The following NETO1 variants were observed in gnomAD, a reference collection of about 807,000 sequenced individuals.
NETO1 encodes the protein neuropilin and tolloid-like protein 1.
Under a neutral mutation model 61.3 loss-of-function variants are expected in NETO1, and 26 were observed. The observed-to-expected ratio is 0.42, with a 90% confidence interval of 0.31 to 0.59. The LOEUF (loss-of-function observed/expected upper bound fraction) is 0.59. Among genes scored for constraint, NETO1 ranks in the 20% least tolerant of loss-of-function variants. The pLI is 0.12. For missense variants in NETO1, 531 were observed against 662.8 expected, an observed-to-expected ratio of 0.80 and a Z score of 2.18; for synonymous variants, 225 against 225.8, an observed-to-expected ratio of 1.00 and a Z score of 0.03.
rs187539066 is a variant in NETO1, at chr18:72,759,946, G to A, written c.869-3799C>T. ...TTTCCAGGGTCACAAGAGGGGACACGCAACTTTATACTTGTTTCTATCAGA... is the reference window on the plus strand; with the variant it reads ...TTTCCAGGGTCACAAGAGGGGACACACAACTTTATACTTGTTTCTATCAGA... On this transcript the variant is annotated intron_variant, in intron 7 of 10. Coordinates refer to ENST00000327305, the MANE Select transcript of NETO1 (RefSeq NM_138966.5). 8.3e-4 allele frequency among the ~76,000 whole-genome samples: 126 copies of A among 152,262 alleles called. 1 individual carries two copies. The highest frequency in any genetic ancestry group is 7.3e-3 in the Admixed American group (112 of 15,282).
At position 72,799,964 on chromosome 18, in the gene NETO1, C is replaced by A. The variant is rs185519021; in HGVS notation, c.470-5560G>T. Among the ~76,000 whole-genome samples the A allele has an allele frequency of 6.6e-5, 10 of 152,348 alleles. No individual in the cohort carries two copies. In the East Asian group the frequency reaches 1.9e-3, roughly 29 times the overall value. Reference sequence around the variant, plus strand: ...AGAACAAAAACTGTGTTCAAGTCAGCAAATAAAGTGACTGCATTCAAAGCC... The same window carrying A: ...AGAACAAAAACTGTGTTCAAGTCAGAAAATAAAGTGACTGCATTCAAAGCC... On this transcript the variant is annotated intron_variant, in intron 4 of 10. Coordinates refer to ENST00000327305, the MANE Select transcript of NETO1 (RefSeq NM_138966.5).
chr18:72,792,774 C>T (rs1369229684), intron 6 of NETO1, among the ~76,000 whole-genome samples: 2 of 152,010 alleles, frequency 1.3e-5, no homozygotes, highest in Non-Finnish European at 2.9e-5. Context: ...AAGCAATCAA[C>T]ACCACCTCTC....
Position 72,755,976 on chromosome 18 carries a change from C to G in NETO1, c.982+58G>C, listed in dbSNP as rs2070769543. The G allele has an allele frequency of 3.5e-6, 3 of 851,894 alleles. No homozygotes were observed. The South Asian group carries it at 4.3e-5, about 12-fold the overall frequency. 52.8% of individuals were successfully genotyped at this position (851,894 alleles called of 1,614,324 possible). ...AGACTGTCTGATTGATACATATAAACTTCTACCCCACTCCACAGGGAGGAA... is the reference window on the plus strand; with the variant it reads ...AGACTGTCTGATTGATACATATAAAGTTCTACCCCACTCCACAGGGAGGAA... On this transcript the variant is annotated intron_variant, in intron 8 of 10. Transcript: ENST00000327305.
At chr18:72,754,610 C>T (rs1384963207) in intron 8 of NETO1, among the ~76,000 whole-genome samples, 1 of 152,046 alleles carries the variant, frequency 6.6e-6, no homozygotes, top group African/African-American at 2.4e-5. Flanking sequence ...ATAAAAGCGT[C>T]ATGAGGAAGA....
chr18:72,768,764 C>T (rs182514036), intron 7 of NETO1, among the ~76,000 whole-genome samples: 30 of 152,180 alleles, frequency 2.0e-4, no homozygotes, highest in African/African-American at 7.0e-4. Flanking sequence ...GCTCTAGAAA[C>T]GGGAAAAGGA....
chr18:72,836,474 C>T (rs1230647822), intron 4 of NETO1, among the ~76,000 whole-genome samples: 1 of 152,018 alleles, frequency 6.6e-6, no homozygotes, highest in African/African-American at 2.4e-5. Flanking sequence ...GACTGAGGTC[C>T]ACATTGGTCT....
chr18:72,823,377 T>A (rs1159847523), intron 4 of NETO1, among the ~76,000 whole-genome samples: 2 of 152,000 alleles, frequency 1.3e-5, no homozygotes, highest in East Asian at 3.9e-4. Context: ...AACTCTTACA[T>A]GAGCGGAGCA....
intron 6 of NETO1, among the ~76,000 whole-genome samples, chr18:72,793,004 TTC>T (rs1397106708): frequency 1.3e-5 from 2 of 152,112 alleles, no homozygotes; most frequent in East Asian, 1.9e-4. Flanking sequence ...AAGGGGTCTT[TTC>T]TCTCTCTCTG....
At chr18:72,810,459 T>C (rs573269420) in intron 4 of NETO1, among the ~76,000 whole-genome samples, 1 of 152,192 alleles carries the variant, frequency 6.6e-6, no homozygotes, top group Non-Finnish European at 1.5e-5. Flanking sequence ...GCATTTGGCA[T>C]GCAAACGTAT....
intron 7 of NETO1, among the ~76,000 whole-genome samples, chr18:72,761,175 T>C (rs1344632115): frequency 6.6e-6 from 1 of 150,948 alleles, no homozygotes; most frequent in Non-Finnish European, 1.5e-5. Flanking sequence ...ATTTTCTAAT[T>C]TGTAAAGTGA....
intron 1 of NETO1, chr18:72,865,544 C>A (rs2074709098): frequency 6.2e-7 from 1 of 1,601,896 alleles, no homozygotes; most frequent in African/African-American, 1.3e-5. Flanking sequence ...TACAGTGGGA[C>A]TACAGGAGTC....
chr18:72,810,785 T>C (rs1321230244), intron 4 of NETO1, among the ~76,000 whole-genome samples: 1 of 152,130 alleles, frequency 6.6e-6, no homozygotes, highest in African/African-American at 2.4e-5. Flanking sequence ...AGAAAAATAA[T>C]CCGAGGCTTT....
chr18:72,850,942 C>G (rs1390394395), intron 4 of NETO1, among the ~76,000 whole-genome samples: 1 of 152,164 alleles, frequency 6.6e-6, no homozygotes, highest in Non-Finnish European at 1.5e-5. Flanking sequence ...GAGCCCTGCT[C>G]TGGGGAATCT....
intron 6 of NETO1, among the ~76,000 whole-genome samples, chr18:72,786,291 A>G (rs2071915342): frequency 6.6e-6 from 1 of 152,220 alleles, no homozygotes; most frequent in Non-Finnish European, 1.5e-5. Context: ...AAAGGACAAG[A>G]CGAAATGTTG....
intron 7 of NETO1, among the ~76,000 whole-genome samples, chr18:72,763,136 T>C (rs976561607): frequency 2.6e-5 from 4 of 152,048 alleles, no homozygotes; most frequent in African/African-American, 9.7e-5. Context: ...GATTTCGTTT[T>C]TTTTTTTGAA....
Position 72,763,833 on chromosome 18 carries a change from C to T in NETO1, c.869-7686G>A, listed in dbSNP as rs183059764. Among the ~76,000 whole-genome samples, 143 of 152,276 alleles carry T rather than the reference C, an allele frequency of 9.4e-4. 1 individual carries two copies. The highest frequency in any genetic ancestry group is 3.3e-3 in the African/African-American group (136 of 41,566). On this transcript the variant is annotated intron_variant, in intron 7 of 10. Transcript: ENST00000327305. ...TGTCAGGCTGCTGTGAAGAAATACCCAAGACTAGCTAATTTATAAAGAAAA... is the reference window on the plus strand; with the variant it reads ...TGTCAGGCTGCTGTGAAGAAATACCTAAGACTAGCTAATTTATAAAGAAAA...
rs539507042 is a variant in NETO1 at position 72,786,600 on chromosome 18, C to T, written c.640-2694G>A. On this transcript the variant is annotated intron_variant, in intron 6 of 10. Coordinates refer to ENST00000327305, the MANE Select transcript of NETO1 (RefSeq NM_138966.5). ...TATGCCCCAACGAGGCCTTCATTTT[C>T]GGTATGCCCAGGTTATTCCTTTGTT... 4.6e-5 allele frequency among the ~76,000 whole-genome samples: 7 copies of T among 152,268 alleles called. No homozygotes were observed. In the East Asian group the frequency reaches 1.2e-3, roughly 25 times the overall value.
At chr18:72,827,782 G>C (rs541561085) in intron 4 of NETO1, among the ~76,000 whole-genome samples, 1 of 151,964 alleles carries the variant, frequency 6.6e-6, no homozygotes, top group Non-Finnish European at 1.5e-5. Context: ...TGCTGTTTGG[G>C]CATGTTGAAA....
intron 4 of NETO1, among the ~76,000 whole-genome samples, chr18:72,849,542 T>C (rs951170635): frequency 6.6e-6 from 1 of 152,214 alleles, no homozygotes; most frequent in Non-Finnish European, 1.5e-5. Context: ...TCTAACATGC[T>C]TCTCAAAATT....
Sources: gnomAD v4.1 joint callset for allele counts (sites outside exome capture counted in the v4.1 genomes callset) on GRCh38, gnomAD v4.1.1 for gene constraint, MANE v1.5 for transcripts, NCBI Gene and HGNC (gene_info 2026-07-23, HGNC 2026-07-21) for gene names.